The following SRPK2 variants were observed in gnomAD, a reference collection of about 807,000 sequenced individuals.
SRPK2 encodes the protein SFRS protein kinase 2.
Under a neutral mutation model 90.8 loss-of-function variants are expected in SRPK2, and 21 were observed. The ratio of observed to expected loss-of-function variants is 0.23; its 90% CI spans 0.16 to 0.33. SRPK2 has a LOEUF of 0.33. Among genes scored for constraint, SRPK2 ranks in the 10% least tolerant of loss-of-function variants. SRPK2 has a pLI of 1.00. For synonymous variants in SRPK2, 288 were observed against 311.1 expected, an observed-to-expected ratio of 0.93 and a Z score of 0.78; for missense variants, 620 against 869.0, an observed-to-expected ratio of 0.71 and a Z score of 3.60.
intron 3 of SRPK2, among the ~76,000 whole-genome samples, chr7:105,198,697 C>T (rs1217177711): frequency 2.0e-5 from 3 of 152,158 alleles, no homozygotes; most frequent in African/African-American, 7.2e-5. Flanking sequence ...GAGTGAAACT[C>T]ATATTTCTTA....
intron 2 of SRPK2, among the ~76,000 whole-genome samples, chr7:105,212,229 G>A (rs1796946122): frequency 1.3e-5 from 2 of 152,226 alleles, no homozygotes; most frequent in African/African-American, 4.8e-5. Flanking sequence ...AGTTAAACCA[G>A]TGAGTCCAAA....
intron 3 of SRPK2, among the ~76,000 whole-genome samples, chr7:105,185,546 C>CA (rs1051226020): frequency 6.6e-6 from 1 of 151,520 alleles, no homozygotes. Context: ...GTTCTCTTGT[C>CA]AAAAAATAAT....
At chr7:105,187,426 G>A (rs1002795274) in intron 3 of SRPK2, among the ~76,000 whole-genome samples, 3 of 152,100 alleles carry the variant, frequency 2.0e-5, no homozygotes, top group Non-Finnish European at 2.9e-5. Context: ...AAATTTCACC[G>A]AATAATCTGC....
At chr7:105,302,141 A>C in intron 2 of SRPK2, 2 of 1,227,092 alleles carry the variant, frequency 1.6e-6, no homozygotes, top group Non-Finnish European at 2.4e-6. Context: ...AACTGGGTTC[A>C]AAATCTTTCA....
intron 2 of SRPK2, among the ~76,000 whole-genome samples, chr7:105,288,093 G>GA (rs1394852857): frequency 6.6e-6 from 1 of 151,882 alleles, no homozygotes; most frequent in South Asian, 2.1e-4. Flanking sequence ...TATATTAAAG[G>GA]AAAAAAATAA....
chr7:105,244,706 A>T, intron 2 of SRPK2: 1 of 1,153,674 alleles, frequency 8.7e-7, no homozygotes, highest in Non-Finnish European at 1.3e-6. Context: ...AAAGGTGACC[A>T]AGAACGTGAG....
chr7:105,353,676 TC>T (rs1240295066), intron 2 of SRPK2, among the ~76,000 whole-genome samples: 1 of 152,094 alleles, frequency 6.6e-6, no homozygotes, highest in Non-Finnish European at 1.5e-5. Flanking sequence ...AGGCCCATGT[TC>T]CTGAATGCCC....
intron 2 of SRPK2, among the ~76,000 whole-genome samples, chr7:105,232,952 G>A (rs548731745): frequency 6.8e-4 from 104 of 151,932 alleles, no homozygotes; most frequent in African/African-American, 2.2e-3. Flanking sequence ...CTTGGGAGGC[G>A]GAGGTTGTGG....
intron 2 of SRPK2, among the ~76,000 whole-genome samples, chr7:105,368,209 A>G (rs1680120422): frequency 2.0e-5 from 3 of 152,198 alleles, no homozygotes; most frequent in South Asian, 4.1e-4. Context: ...TTTTAAAGCT[A>G]AAGTAAAAAA....
intron 13 of SRPK2, among the ~76,000 whole-genome samples, chr7:105,130,487 C>A (rs1023850012): frequency 8.0e-4 from 122 of 152,002 alleles, no homozygotes; most frequent in Non-Finnish European, 2.9e-4. Flanking sequence ...GAAGTGGAGT[C>A]TGCAGTGAAC....
In SRPK2 at chr7:105,132,822, G is replaced by A; in HGVS notation, c.1721C>T (p.Thr574Ile). Residue 574 changes from threonine (T) to isoleucine (I), a missense_variant, in exon 13 of 16, where the codon ACC (threonine) becomes ATC (isoleucine). This residue lies in a region of SRPK2 where 25 missense variants were observed against 21.4 expected (regional missense o/e 1.17). Transcript: ENST00000393651. ...IEVLIGAGYS[T>I]PADIWSTACM... Reference sequence around the variant, plus strand: ...CGCCGTGCTCCAGATGTCCGCAGGGGTGCTGTACCCCGCTCCTATTAAAAC... The same window carrying A: ...CGCCGTGCTCCAGATGTCCGCAGGGATGCTGTACCCCGCTCCTATTAAAAC... 6.2e-7 allele frequency: 1 copy of A among 1,610,252 alleles called. No homozygotes were observed. Among genetic ancestry groups the A allele is most frequent in the Non-Finnish European group, 8.5e-7 (1 of 1,178,060 alleles).
intron 2 of SRPK2, among the ~76,000 whole-genome samples, chr7:105,364,379 C>A (rs1364342464): frequency 6.6e-6 from 1 of 150,706 alleles, no homozygotes; most frequent in Admixed American, 6.7e-5. Context: ...CACTGAAAAG[C>A]CTTTCCATAG....
At chr7:105,281,403 T>G (rs1341965187) in intron 2 of SRPK2, among the ~76,000 whole-genome samples, 6 of 152,090 alleles carry the variant, frequency 3.9e-5, no homozygotes, top group African/African-American at 1.4e-4. Flanking sequence ...GCCTCCTAAC[T>G]TTCAACTGCA....
chr7:105,266,409 C>CT (rs1386851423), intron 2 of SRPK2, among the ~76,000 whole-genome samples: 1 of 152,062 alleles, frequency 6.6e-6, no homozygotes, highest in Non-Finnish European at 1.5e-5. Flanking sequence ...TTTAGAGGTA[C>CT]TTTTCTCTAC....
intron 2 of SRPK2, among the ~76,000 whole-genome samples, chr7:105,319,636 CT>C (rs1179174643): frequency 6.6e-6 from 1 of 151,210 alleles, no homozygotes; most frequent in Non-Finnish European, 1.5e-5. Context: ...TATTTAAGTC[CT>C]TGTGGAGGAT....
intron 2 of SRPK2, among the ~76,000 whole-genome samples, chr7:105,244,322 C>T (rs1448421995): frequency 6.6e-6 from 1 of 152,240 alleles, no homozygotes; most frequent in African/African-American, 2.4e-5. Context: ...GTAATCCCAG[C>T]ACTTTGGGAG....
intron 2 of SRPK2, among the ~76,000 whole-genome samples, chr7:105,372,267 G>A (rs1337526493): frequency 6.6e-6 from 1 of 151,206 alleles, no homozygotes; most frequent in Non-Finnish European, 1.5e-5. Context: ...CATAAAACAA[G>A]AGTGGAAAAG....
intron 3 of SRPK2, among the ~76,000 whole-genome samples, chr7:105,191,114 AGT>A (rs1425311442): frequency 6.6e-6 from 1 of 152,254 alleles, no homozygotes; most frequent in Non-Finnish European, 1.5e-5. Context: ...ATAATGCTAC[AGT>A]GAAGTTAGGA....
intron 9 of SRPK2, 67 bp downstream of exon 9, chr7:105,145,216 G>A (rs1351046862): frequency 7.9e-6 from 10 of 1,267,702 alleles, no homozygotes; most frequent in Non-Finnish European, 1.1e-5. Flanking sequence ...TTTATAATTT[G>A]AACAACTCAA....
Sources: allele counts gnomAD v4.1 joint callset (sites outside exome capture counted in the v4.1 genomes callset), GRCh38; gene constraint gnomAD v4.1.1; regional missense constraint gnomAD v4.1.1; transcripts MANE v1.5; gene names NCBI Gene and HGNC (gene_info 2026-07-23, HGNC 2026-07-21).